Variants in CLASRP observed in about 807,000 individuals in gnomAD.
The protein encoded by CLASRP is CLK4 associating serine/arginine rich protein.
In CLASRP, 52 loss-of-function variants were observed where a neutral mutation model predicts 99.9. The ratio of observed to expected loss-of-function variants is 0.52; its 90% CI spans 0.42 to 0.66. The LOEUF is 0.66. Ranked by LOEUF, CLASRP falls within the 30% of genes least tolerant of loss-of-function variation. The pLI is 0.00. For synonymous variants in CLASRP, 379 were observed against 373.0 expected (o/e 1.02, Z -0.18); for missense variants, 848 against 999.2 (o/e 0.85, Z 2.04).
At position 45,070,677 on chromosome 19, in the gene CLASRP, G is replaced by A. The variant is rs972249062; in HGVS notation, c.1982+116G>A. 15 of 1,298,434 alleles carry A rather than the reference G, an allele frequency of 1.2e-5. No individual in the cohort carries two copies. In the East Asian group the frequency reaches 1.8e-4, roughly 16 times the overall value. 80.4% of individuals were successfully genotyped at this position (1,298,434 alleles called of 1,614,324 possible). A position where few individuals can be genotyped will look rare whatever the true frequency, so the allele number is the denominator to read the frequency against. On this transcript the variant is annotated intron_variant, in intron 20 of 20. Transcript: ENST00000221455. Reference sequence around the variant, plus strand: ...TACCCACCTCCAGTTGGAGGGGCTGGTCTCATCCCTTGGGGAACATCCTTC... The same window carrying A: ...TACCCACCTCCAGTTGGAGGGGCTGATCTCATCCCTTGGGGAACATCCTTC...
intron 2 of CLASRP, among the ~76,000 whole-genome samples, chr19:45,042,860 G>A (rs1197705476): frequency 6.6e-6 from 1 of 152,052 alleles, no homozygotes; most frequent in African/African-American, 2.4e-5. Context: ...CAAGTGATTT[G>A]CTTGCCTCGG....
chr19:45,053,193 G>C lies in CLASRP; in HGVS notation c.379+16G>C. The C allele has an allele frequency of 1.2e-6, 2 of 1,613,520 alleles. No individual in the cohort carries two copies. Among genetic ancestry groups the C allele is most frequent in the African/African-American group, 1.3e-5 (1 of 74,986 alleles). ...TTTGCCGGCAGTGAGTGATCTGTGG[G>C]GGGACGTGGGGTGTGGGGTTTGAGC... On this transcript the variant is annotated intron_variant, in intron 5 of 20. Coordinates refer to ENST00000221455, the MANE Select transcript of CLASRP (RefSeq NM_007056.3).
intron 5 of CLASRP, among the ~76,000 whole-genome samples, chr19:45,054,431 G>A (rs555895471): frequency 3.3e-5 from 5 of 152,188 alleles, no homozygotes; most frequent in Non-Finnish European, 7.3e-5. Flanking sequence ...TGTAGTTTTA[G>A]TAGAGACGGG....
chr19:45,057,503 G>A (rs1351352688), intron 6 of CLASRP, among the ~76,000 whole-genome samples: 6 of 152,204 alleles, frequency 3.9e-5, no homozygotes, highest in Admixed American at 3.9e-4. Flanking sequence ...CAAAGGCAGG[G>A]CTGGGGAGCT....
intron 2 of CLASRP, among the ~76,000 whole-genome samples, chr19:45,050,386 G>A (rs1388547617): frequency 6.6e-6 from 1 of 152,182 alleles, no homozygotes; most frequent in East Asian, 1.9e-4. Flanking sequence ...GGAAAGGACA[G>A]ACTATAACAA....
chr19:45,061,630 A>C (rs1333267315), intron 10 of CLASRP, among the ~76,000 whole-genome samples: 1 of 152,076 alleles, frequency 6.6e-6, no homozygotes, highest in Non-Finnish European at 1.5e-5. Flanking sequence ...CACCACGCCC[A>C]GCTAATTAAA....
At chr19:45,050,220 G>C (rs961491181) in intron 2 of CLASRP, among the ~76,000 whole-genome samples, 8 of 150,362 alleles carry the variant, frequency 5.3e-5, no homozygotes, top group African/African-American at 1.9e-4. Context: ...GGGGTGGGGT[G>C]CGGCCCAACA....
intron 6 of CLASRP, among the ~76,000 whole-genome samples, chr19:45,056,786 C>T (rs1481018820): frequency 6.6e-6 from 1 of 152,184 alleles, no homozygotes; most frequent in Non-Finnish European, 1.5e-5. Context: ...GGTGAGACAG[C>T]CCTGGGTTTG....
chr19:45,052,434 A>G (rs1449122303), intron 3 of CLASRP, among the ~76,000 whole-genome samples: 1 of 152,160 alleles, frequency 6.6e-6, no homozygotes, highest in East Asian at 1.9e-4. Flanking sequence ...GAGGAAGCAG[A>G]GAGTAGGTTG....
At chr19:45,068,765 G>A (rs1038697537) in intron 16 of CLASRP, among the ~76,000 whole-genome samples, 6 of 152,128 alleles carry the variant, frequency 3.9e-5, no homozygotes, top group African/African-American at 1.4e-4. Context: ...TTGGGAGGCC[G>A]AGGTGGGCGG....
chr19:45,055,130 C>A, intron 5 of CLASRP, among the ~76,000 whole-genome samples: 1 of 152,296 alleles, frequency 6.6e-6, no homozygotes, highest in East Asian at 1.9e-4. Flanking sequence ...TGAACACCTG[C>A]GGTGTGGCAA....
At position 45,060,315 on chromosome 19, in the gene CLASRP, G is replaced by T. The variant is rs549321711; in HGVS notation, c.711-74G>T. On this transcript the variant is annotated intron_variant, in intron 8 of 20. Transcript: ENST00000221455. This position sits in a 1 kb window ranked among gnomAD's most constrained non-coding sequence, Gnocchi z 4.6. The stretch of plus-strand genomic sequence containing the variant: ...GTGACTCAGGTCCCTCACTTTCTCT[G>T]ATGACTCAGTCTGTGTCCTCCTTAC... 1.3e-5 allele frequency: 18 copies of T among 1,387,148 alleles called. No individual in the cohort carries two copies. The East Asian group carries it at 3.7e-4, about 28-fold the overall frequency. 85.9% of individuals were successfully genotyped at this position (1,387,148 alleles called of 1,614,324 possible). A position where few individuals can be genotyped will look rare whatever the true frequency, so the allele number is the denominator to read the frequency against.
At chr19:45,059,545 A>G (rs1421323492) in intron 8 of CLASRP, among the ~76,000 whole-genome samples, 181 bp downstream of exon 8, 2 of 152,192 alleles carry the variant, frequency 1.3e-5, no homozygotes, top group Non-Finnish European at 2.9e-5. Context: ...TCATCTGTGC[A>G]GAAACAGGCT....
At chr19:45,070,738 C>T (rs1303127790) in intron 20 of CLASRP, 65 bp from the exon 21 acceptor site, 2 of 1,425,370 alleles carry the variant, frequency 1.4e-6, no homozygotes, top group Admixed American at 1.7e-5. Flanking sequence ...CTGAAGCATC[C>T]ACGGCCCCAG....
rs747768858 is a variant in CLASRP at position 45,056,505 on chromosome 19, C to T, written c.435C>T (p.Leu145=). Residue 145 remains leucine (L), a synonymous_variant, in exon 6 of 21, where the codon CTC becomes CTT. Coordinates refer to ENST00000221455, the MANE Select transcript of CLASRP (RefSeq NM_007056.3). The part of the protein sequence containing the change: ...QIYIDELYGG[L]QRPSEDEKKK... ...ACATTGATGAGTTGTACGGAGGCCT[C>T]CAGAGACCCAGCGAAGATGAGAAGA... is the stretch of plus-strand genomic sequence containing the variant. 6.2e-7 allele frequency: 1 copy of T among 1,613,746 alleles called. No individual in the cohort carries two copies. Among genetic ancestry groups the T allele is most frequent in the African/African-American group, 1.3e-5 (1 of 74,906 alleles).
At chr19:45,053,062 TTC>T in intron 4 of CLASRP, 34 bp from the exon 5 acceptor site, 1 of 1,611,672 alleles carries the variant, frequency 6.2e-7, no homozygotes, top group Non-Finnish European at 8.5e-7. Flanking sequence ...GATCCACTCC[TTC>T]TCTCTGATTT....
In CLASRP at chr19:45,070,882, G is replaced by A. The variant is rs757833860; in HGVS notation, c.*37G>A. 9 of 1,080,352 alleles carry A rather than the reference G, an allele frequency of 8.3e-6. No homozygotes were observed. The highest frequency in any genetic ancestry group is 4.0e-5 in the South Asian group (3 of 75,050). 66.9% of individuals were successfully genotyped at this position (1,080,352 alleles called of 1,614,324 possible). A position where few individuals can be genotyped will look rare whatever the true frequency, so the allele number is the denominator to read the frequency against. On this transcript the variant is annotated 3_prime_UTR_variant, in exon 21 of 21. Coordinates refer to ENST00000221455, the MANE Select transcript of CLASRP (RefSeq NM_007056.3). ...GGGGGTGGGGAGGACAAGGGGGTGG[G>A]TAAGGGGCTCAAGCTGTGATGCTGC...
intron 7 of CLASRP, 41 bp downstream of exon 7, chr19:45,057,939 G>T (rs530768416): frequency 1.2e-6 from 2 of 1,611,136 alleles, no homozygotes; most frequent in Middle Eastern, 3.8e-4. Context: ...CAGTCCCTGG[G>T]CATCGTTTCT....
intron 2 of CLASRP, among the ~76,000 whole-genome samples, chr19:45,048,557 A>G (rs921399448): frequency 5.3e-5 from 8 of 150,790 alleles, no homozygotes; most frequent in Non-Finnish European, 1.2e-4. Context: ...TTACTCTTAA[A>G]AAGCAAATAA....
Sources: gnomAD v4.1 joint callset for allele counts (sites outside exome capture counted in the v4.1 genomes callset) on GRCh38, gnomAD v4.1.1 for gene constraint, Gnocchi (gnomAD v3.1) non-coding constraint, MANE v1.5 for transcripts, NCBI Gene and HGNC (gene_info 2026-07-23, HGNC 2026-07-21) for gene names.